HES3: variants seen among roughly 807,000 people sequenced by gnomAD.
HES3 encodes hes family bHLH transcription factor 3, also known as transcription factor HES-3.
HES3 carries 6 observed loss-of-function variants against 8.0 expected under a neutral mutation model. The ratio of observed to expected loss-of-function variants is 0.75; its 90% CI spans 0.41 to 1.49. HES3 has a LOEUF of 1.49. Ranked by LOEUF, HES3 falls within the 40% of genes most tolerant of loss-of-function variation. The probability of loss-of-function intolerance (pLI) is 0.01; values close to 1 mark genes in which losing one functional copy is unlikely to be tolerated. For missense variants in HES3, 266 were observed against 260.9 expected (o/e 1.02, Z -0.13); for synonymous variants, 121 against 119.4 (o/e 1.01, Z -0.09).
At position 6,245,155 on chromosome 1, in the gene HES3, G is replaced by A. The variant is rs1401144097; in HGVS notation, c.209G>A (p.Arg70His). The change falls in exon 4 of 4, where the codon CGC (arginine) becomes CAC (histidine). Residue 70 changes from arginine to histidine, a missense_variant. Transcript: ENST00000377898. ...GGAGCCGAGCAACCGTCGGGCTTCC[G>A]CAGCTGCCTGCCCGGCGTGAGCCAG... ...PRGAEQPSGF[R>H]SCLPGVSQLL... 3 of 1,530,432 alleles carry A rather than the reference G, an allele frequency of 2.0e-6. No individual in the cohort carries two copies. The highest frequency in any genetic ancestry group is 2.6e-6 in the Non-Finnish European group (3 of 1,145,632). The allele number at this position is 1,530,432 out of a possible 1,614,324, so 94.8% of individuals were successfully genotyped here. A position where few individuals can be genotyped will look rare whatever the true frequency, so the allele number is the denominator to read the frequency against.
In HES3 at chr1:6,245,478, TG is replaced by T. The variant is rs1282133683; in HGVS notation, c.536del (p.Gly179GlufsTer7). 1 of 1,517,678 alleles carries T rather than the reference TG, an allele frequency of 6.6e-7. No individual in the cohort carries two copies. 94.0% of individuals were successfully genotyped at this position (1,517,678 alleles called of 1,614,324 possible). ...PGLGLRVWRP[W>X]GSPGDDLN Reference sequence around the variant, plus strand: ...GCTGGGCCTGCGCGTGTGGCGGCCCTGGGGAAGCCCCGGGGATGACCTGAAC... The same window carrying T: ...GCTGGGCCTGCGCGTGTGGCGGCCCTGGGAAGCCCCGGGGATGACCTGAAC... On this transcript the variant is annotated frameshift_variant, in exon 4 of 4. Coordinates refer to ENST00000377898, the MANE Select transcript of HES3 (RefSeq NM_001024598.4). LOFTEE classifies it high-confidence loss of function.
chr1:6,245,080 C>T (rs979174251), intron 3 of HES3, 30 bp from the exon 4 acceptor site: 6 of 1,419,684 alleles, frequency 4.2e-6, no homozygotes, highest in Non-Finnish European at 5.5e-6. Flanking sequence ...TCTTCCCCTC[C>T]CTGTTTCTCG....
chr1:6,244,428 G>A lies in HES3; in HGVS notation c.63G>A (p.Glu21=), dbSNP rs1458035579. 7.7e-7 allele frequency: 1 copy of A among 1,304,490 alleles called. No homozygotes were observed. The highest frequency in any genetic ancestry group is 2.1e-5 in the Admixed American group (1 of 47,282). 80.8% of individuals were successfully genotyped at this position (1,304,490 alleles called of 1,614,324 possible). A position where few individuals can be genotyped will look rare whatever the true frequency, so the allele number is the denominator to read the frequency against. The change falls in exon 2 of 4, where the codon GAG becomes GAA. Residue 21 remains glutamate (E), a synonymous_variant. Coordinates refer to ENST00000377898, the MANE Select transcript of HES3 (RefSeq NM_001024598.4). ...TGGAGCAGCTCAAGTCGCTGCTGGAGAAACACTACTCGCACCAGGTGAGAC... is the reference window on the plus strand; with the variant it reads ...TGGAGCAGCTCAAGTCGCTGCTGGAAAAACACTACTCGCACCAGGTGAGAC... The part of the protein sequence containing the change: ...VSLEQLKSLL[E]KHYSHQIRKR...
intron 1 of HES3, 21 bp from the exon 2 acceptor site, chr1:6,244,330 C>A: frequency 6.2e-7 from 1 of 1,606,616 alleles, no homozygotes; most frequent in Non-Finnish European, 8.5e-7. Flanking sequence ...GTCCTGCACT[C>A]TAAAGGCTGT....
chr1:6,244,512 G>A (rs1219487901), intron 2 of HES3, 36 bp from the exon 3 acceptor site: 3 of 1,613,848 alleles, frequency 1.9e-6, no homozygotes, highest in East Asian at 4.5e-5. Flanking sequence ...TCCACCTCGG[G>A]AGGCCGGTCT....
Position 6,244,590 on chromosome 1 carries a change from A to G in HES3, c.124A>G (p.Ser42Gly), listed in dbSNP as rs777281090. The G allele has an allele frequency of 1.2e-6, 2 of 1,613,918 alleles. No individual in the cohort carries two copies. The highest frequency in any genetic ancestry group is 2.2e-5 in the East Asian group (1 of 44,850). ...KLEKADILEL[S>G]VKYMRSLQNS... ...GGAGAAGGCCGACATCCTGGAGTTG[A>G]GCGTGAAGTACATGAGAAGCCTTCA... Residue 42 changes from serine (S) to glycine (G), a missense_variant, in exon 3 of 4, where the codon AGC (serine) becomes GGC (glycine). By Grantham distance (56) the Ser-to-Gly change is moderately conservative (BLOSUM62 0). Transcript: ENST00000377898.
At position 6,245,295 on chromosome 1, in the gene HES3, T is replaced by C. The variant is rs979100628; in HGVS notation, c.349T>C (p.Phe117Leu). 5 of 1,502,010 alleles carry C rather than the reference T, an allele frequency of 3.3e-6. No homozygotes were observed. In the African/African-American group the frequency reaches 7.3e-5, roughly 22 times the overall value. 93.0% of individuals were successfully genotyped at this position (1,502,010 alleles called of 1,614,324 possible). The change falls in exon 4 of 4, where the codon TTC becomes CTC. Residue 117 changes from phenylalanine to leucine, a missense_variant. By Grantham distance (22) the Phe-to-Leu change is conservative. Transcript: ENST00000377898. ...AGLGQEAPAL[F>L]RPCTPAVWAP... ...GTTGGGCCAGGAGGCGCCCGCGCTGTTCCGCCCTTGCACCCCTGCCGTCTG... is the reference window on the plus strand; with the variant it reads ...GTTGGGCCAGGAGGCGCCCGCGCTGCTCCGCCCTTGCACCCCTGCCGTCTG...
Position 6,244,388 on chromosome 1 carries a change from G to A in HES3, c.23G>A (p.Arg8His), listed in dbSNP as rs768255374. MEKKRRARINVSLEQLKS... is the reference protein window; with the variant it reads MEKKRRAHINVSLEQLKS... ...CTGATGGAGAAAAAGCGCCGGGCAC[G>A]CATCAATGTGTCACTGGAGCAGCTC... The change falls in exon 2 of 4, where the codon CGC (arginine) becomes CAC (histidine). Residue 8 changes from arginine (R) to histidine (H), a missense_variant. Arg to His is a conservative substitution (Grantham distance 29). Transcript: ENST00000377898. 2 of 1,570,336 alleles carry A rather than the reference G, an allele frequency of 1.3e-6. No homozygotes were observed. Among genetic ancestry groups the A allele is most frequent in the East Asian group, 2.4e-5 (1 of 41,220 alleles).
rs546157762 is a variant in HES3, at chr1:6,245,091, C to A, written c.164-19C>A. 29 of 1,312,364 alleles carry A rather than the reference C, an allele frequency of 2.2e-5. No homozygotes were observed. In the East Asian group the frequency reaches 1.2e-3, roughly 54 times the overall value. 81.3% of individuals were successfully genotyped at this position (1,312,364 alleles called of 1,614,324 possible). A position where few individuals can be genotyped will look rare whatever the true frequency, so the allele number is the denominator to read the frequency against. On this transcript the variant is annotated intron_variant, in intron 3 of 3. Coordinates refer to ENST00000377898, the MANE Select transcript of HES3 (RefSeq NM_001024598.4). ...CCTCTCTTCCCCTCCCTGTTTCTCG[C>A]GTCCGCTCTTCCCCACAGGGCTCTG... is the stretch of plus-strand genomic sequence containing the variant.
At position 6,244,639 on chromosome 1, in the gene HES3, A is replaced by G. The variant is rs1157408760; in HGVS notation, c.163+10A>G. 1.2e-6 allele frequency: 2 copies of G among 1,608,182 alleles called. No individual in the cohort carries two copies. Among genetic ancestry groups the G allele is most frequent in the Non-Finnish European group, 1.7e-6 (2 of 1,175,962 alleles). ...CAGAACTCCTTGCAAGGTATAGGGG[A>G]GGGCTGGAGGGAGGAGGGGGAGGCT... On this transcript the variant is annotated intron_variant, in intron 3 of 3. Transcript: ENST00000377898.
At chr1:6,244,965 C>G in intron 3 of HES3, 145 bp from the exon 4 acceptor site, 4 of 631,300 alleles carry the variant, frequency 6.3e-6, no homozygotes, top group Non-Finnish European at 8.0e-6. Flanking sequence ...CACGCTTCCT[C>G]CCTCCTTTCC....
At chr1:6,245,008 T>TCCTCCCCCCCCC in intron 3 of HES3, 102 bp from the exon 4 acceptor site, 1 of 225,136 alleles carries the variant, frequency 4.4e-6, no homozygotes, top group Non-Finnish European at 8.5e-6. Flanking sequence ...CTCCCTCCCT[T>TCCTCCCCCCCCC]CCTCCCCTCC....
chr1:6,245,439 G>T lies in HES3; in HGVS notation c.493G>T (p.Ala165Ser). 6.4e-7 allele frequency: 1 copy of T among 1,556,204 alleles called. No homozygotes were observed. ...GCCGCAGCCAGCGTCGAGTCGCTGC[G>T]CCGAGAGTCCCGGGCTGGGCCTGCG... ...PPPQPASSRC[A>S]ESPGLGLRVW... Residue 165 changes from alanine to serine, a missense_variant, in exon 4 of 4, where the codon GCC becomes TCC. Coordinates refer to ENST00000377898, the MANE Select transcript of HES3 (RefSeq NM_001024598.4).
Position 6,245,268 on chromosome 1 carries a change from G to T in HES3, c.322G>T (p.Gly108Trp), listed in dbSNP as rs749642899. ...SAAGSTMDSA[G>W]LGQEAPALFR... Reference sequence around the variant, plus strand: ...CGCCGGCAGCACCATGGACAGCGCCGGGTTGGGCCAGGAGGCGCCCGCGCT... The same window carrying T: ...CGCCGGCAGCACCATGGACAGCGCCTGGTTGGGCCAGGAGGCGCCCGCGCT... Residue 108 changes from glycine (G) to tryptophan (W), a missense_variant, in exon 4 of 4, where the codon GGG becomes TGG. Coordinates refer to ENST00000377898, the MANE Select transcript of HES3 (RefSeq NM_001024598.4). 413 of 1,501,006 alleles carry T rather than the reference G, an allele frequency of 2.8e-4. No individual in the cohort carries two copies. Among genetic ancestry groups the T allele is most frequent in the Non-Finnish European group, 3.5e-4 (392 of 1,133,296 alleles). 93.0% of individuals were successfully genotyped at this position (1,501,006 alleles called of 1,614,324 possible). A position where few individuals can be genotyped will look rare whatever the true frequency, so the allele number is the denominator to read the frequency against.
In HES3 at chr1:6,244,192, T is replaced by A. The variant is rs1477266188; in HGVS notation, c.-65T>A. 1.6e-6 allele frequency: 1 copy of A among 630,164 alleles called. No individual in the cohort carries two copies. Among genetic ancestry groups the A allele is most frequent in the Admixed American group, 2.8e-5 (1 of 36,324 alleles). 39.0% of individuals were successfully genotyped at this position (630,164 alleles called of 1,614,324 possible). A position where few individuals can be genotyped will look rare whatever the true frequency, so the allele number is the denominator to read the frequency against. ...TCGCACTGGTGCATGGACTGCAACA[T>A]GGGCACGGAGCCTGCTGCCCGGGGC... On this transcript the variant is annotated 5_prime_UTR_variant, in exon 1 of 4. An upstream start codon of the reference 5' UTR is lost. Coordinates refer to ENST00000377898, the MANE Select transcript of HES3 (RefSeq NM_001024598.4).
chr1:6,244,562 A>G lies in HES3; in HGVS notation c.96A>G (p.Lys32=), dbSNP rs1360311382. 1 of 1,613,530 alleles carries G rather than the reference A, an allele frequency of 6.2e-7. No individual in the cohort carries two copies. The highest frequency in any genetic ancestry group is 1.1e-5 in the South Asian group (1 of 91,040). Residue 32 remains lysine, a synonymous_variant, in exon 3 of 4, where the codon AAA becomes AAG. Transcript: ENST00000377898. ...TGGTCGGGTAGATCCGGAAGCGCAA[A>G]TTGGAGAAGGCCGACATCCTGGAGT... ...KHYSHQIRKR[K]LEKADILELS...
In HES3 at chr1:6,245,146, C is replaced by G. The variant is rs1044387709; in HGVS notation, c.200C>G (p.Ser67Trp). 3 of 1,529,518 alleles carry G rather than the reference C, an allele frequency of 2.0e-6. No individual in the cohort carries two copies. The highest frequency in any genetic ancestry group is 2.6e-6 in the Non-Finnish European group (3 of 1,145,194). 94.7% of individuals were successfully genotyped at this position (1,529,518 alleles called of 1,614,324 possible). Residue 67 changes from serine to tryptophan, a missense_variant, in exon 4 of 4, where the codon TCG becomes TGG. Transcript: ENST00000377898. ...WPVPRGAEQP[S>W]GFRSCLPGVS... is the part of the protein sequence containing the mutation. ...GTGCCCAGGGGAGCCGAGCAACCGT[C>G]GGGCTTCCGCAGCTGCCTGCCCGGC...
Position 6,245,278 on chromosome 1 carries a change from A to G in HES3, c.332A>G (p.Gln111Arg). 6.7e-7 allele frequency: 1 copy of G among 1,495,840 alleles called. No individual in the cohort carries two copies. Among genetic ancestry groups the G allele is most frequent in the South Asian group, 1.3e-5 (1 of 79,002 alleles). The allele number at this position is 1,495,840 out of a possible 1,614,324, so 92.7% of individuals were successfully genotyped here. Residue 111 changes from glutamine to arginine, a missense_variant, in exon 4 of 4, where the codon CAG becomes CGG. Transcript: ENST00000377898. ...ACCATGGACAGCGCCGGGTTGGGCC[A>G]GGAGGCGCCCGCGCTGTTCCGCCCT... ...GSTMDSAGLG[Q>R]EAPALFRPCT...
Position 6,245,358 on chromosome 1 carries a change from C to A in HES3, c.412C>A (p.Pro138Thr). The A allele has an allele frequency of 6.6e-7, 1 of 1,504,450 alleles. No homozygotes were observed. Among genetic ancestry groups the A allele is most frequent in the Non-Finnish European group, 8.8e-7 (1 of 1,134,334 alleles). The allele number at this position is 1,504,450 out of a possible 1,614,324, so 93.2% of individuals were successfully genotyped here. The stretch of plus-strand genomic sequence containing the variant: ...GGCCGCCGGCGGCCCGCGGTCCCCA[C>A]CACCCCTGCTCCTCCTCCCCGAAAG... ...APAAGGPRSP[P>T]PLLLLPESLP... The change falls in exon 4 of 4, where the codon CCA (proline) becomes ACA (threonine). Residue 138 changes from proline to threonine, a missense_variant. Coordinates refer to ENST00000377898, the MANE Select transcript of HES3 (RefSeq NM_001024598.4).
Sources: gnomAD v4.1 joint callset for allele counts on GRCh38, gnomAD v4.1.1 for gene constraint, MANE v1.5 for transcripts, NCBI Gene and HGNC (gene_info 2026-07-23, HGNC 2026-07-21) for gene names.